GPC5: variants seen among roughly 807,000 people sequenced by gnomAD.
GPC5 encodes glypican 5.
GPC5 carries 47 observed loss-of-function variants against 53.9 expected under a neutral mutation model. The observed-to-expected ratio is 0.87, with a 90% CI of 0.69 to 1.11. The LOEUF (loss-of-function observed/expected upper bound fraction) is 1.11. Among genes scored for constraint, GPC5 ranks in the 50% most tolerant of loss-of-function variants. The probability of loss-of-function intolerance (pLI) is 0.00; values close to 1 mark genes in which losing one functional copy is unlikely to be tolerated. For missense variants in GPC5, 748 were observed against 713.1 expected, an observed-to-expected ratio of 1.05 and a Z score of -0.56; for synonymous variants, 286 against 263.3, an observed-to-expected ratio of 1.09 and a Z score of -0.84.
At chr13:92,357,543 C>T (rs896468258) in intron 7 of GPC5, among the ~76,000 whole-genome samples, 2 of 151,620 alleles carry the variant, frequency 1.3e-5, no homozygotes, top group Non-Finnish European at 1.5e-5. Flanking sequence ...GTCCTTTGCA[C>T]ATTGTATTAG....
At chr13:92,664,809 C>G (rs1307140745) in intron 7 of GPC5, among the ~76,000 whole-genome samples, 2 of 152,082 alleles carry the variant, frequency 1.3e-5, no homozygotes, top group Non-Finnish European at 2.9e-5. Flanking sequence ...TTTCATCCAG[C>G]AATGGCACCA....
intron 7 of GPC5, among the ~76,000 whole-genome samples, chr13:92,399,903 A>ACATAGCAGC (rs1256717794): frequency 6.6e-6 from 1 of 152,178 alleles, no homozygotes; most frequent in Non-Finnish European, 1.5e-5. Flanking sequence ...GGAGTATTTG[A>ACATAGCAGC]CATAGCAGCT....
intron 7 of GPC5, among the ~76,000 whole-genome samples, chr13:92,513,674 T>C (rs1438283514): frequency 3.3e-5 from 5 of 152,054 alleles, no homozygotes; most frequent in Non-Finnish European, 7.4e-5. Context: ...ATAAGAAGTG[T>C]CTCAGACTTC....
chr13:91,509,206 C>A (rs1309739016), intron 2 of GPC5, among the ~76,000 whole-genome samples: 1 of 151,644 alleles, frequency 6.6e-6, no homozygotes, highest in Non-Finnish European at 1.5e-5. Flanking sequence ...TAGTAGTGAG[C>A]ACTTCTTGAA....
At position 92,192,903 on chromosome 13, in the gene GPC5, G is replaced by A. The variant is rs115737245; in HGVS notation, c.1561+47914G>A. Among the ~76,000 whole-genome samples the A allele has an allele frequency of 5.9e-3, 903 of 152,128 alleles. 13 individuals are homozygous for A. Among genetic ancestry groups the A allele is most frequent in the African/African-American group, 0.02 (844 of 41,482 alleles). On this transcript the variant is annotated intron_variant, in intron 7 of 7. Coordinates refer to ENST00000377067, the MANE Select transcript of GPC5 (RefSeq NM_004466.6). Reference sequence around the variant, plus strand: ...TATTAAAAACATATTGCTGCCAGGCGCTGTGGCTCATGCCTATAATTCCAG... The same window carrying A: ...TATTAAAAACATATTGCTGCCAGGCACTGTGGCTCATGCCTATAATTCCAG...
At chr13:91,464,033 C>T (rs780994338) in intron 2 of GPC5, among the ~76,000 whole-genome samples, 4 of 151,840 alleles carry the variant, frequency 2.6e-5, no homozygotes. Context: ...AAAAATTCAA[C>T]AGTTAAAAAA....
chr13:92,749,868 G>C (rs915806287), intron 7 of GPC5, among the ~76,000 whole-genome samples: 2 of 152,056 alleles, frequency 1.3e-5, no homozygotes, highest in Non-Finnish European at 2.9e-5. Flanking sequence ...AACAAAATAG[G>C]GAGTTGCAAA....
chr13:91,465,152 A>G (rs1196701051), intron 2 of GPC5, among the ~76,000 whole-genome samples: 2 of 152,058 alleles, frequency 1.3e-5, no homozygotes, highest in Non-Finnish European at 2.9e-5. Flanking sequence ...TACTTTTTAA[A>G]TTGTCTATAA....
At position 91,419,798 on chromosome 13, in the gene GPC5, G is replaced by A. The variant is rs186434017; in HGVS notation, c.163+20589G>A. On this transcript the variant is annotated intron_variant, in intron 1 of 7. Transcript: ENST00000377067. ...ATCAAAACTTTTAAACATGCGAATT[G>A]ATCCTCCTGATGGCCATTACCTATG... Among the ~76,000 whole-genome samples, 34 of 152,318 alleles carry A rather than the reference G, an allele frequency of 2.2e-4. 1 individual carries two copies. In the East Asian group the frequency reaches 6.6e-3, roughly 29 times the overall value.
chr13:92,772,179 C>T (rs1026319328), intron 7 of GPC5, among the ~76,000 whole-genome samples: 13 of 152,284 alleles, frequency 8.5e-5, no homozygotes, highest in South Asian at 6.2e-4. Context: ...CCTCCCACTT[C>T]CCTGATTCCA....
At chr13:92,710,771 G>A (rs1383020132) in intron 7 of GPC5, among the ~76,000 whole-genome samples, 2 of 152,066 alleles carry the variant, frequency 1.3e-5, no homozygotes, top group African/African-American at 2.4e-5. Flanking sequence ...GTGGTCAGGG[G>A]ATCAAGCTTT....
At chr13:92,309,562 T>A (rs1338249040) in intron 7 of GPC5, among the ~76,000 whole-genome samples, 1 of 152,124 alleles carries the variant, frequency 6.6e-6, no homozygotes, top group African/African-American at 2.4e-5. Flanking sequence ...AATATAAACA[T>A]CATTTAAAAT....
chr13:92,551,274 T>G (rs2139016384), intron 7 of GPC5, among the ~76,000 whole-genome samples: 1 of 150,590 alleles, frequency 6.6e-6, no homozygotes, highest in African/African-American at 2.4e-5. Flanking sequence ...TAGACACTGG[T>G]AATCTAAAAC....
At chr13:91,768,984 T>C (rs960047909) in intron 5 of GPC5, among the ~76,000 whole-genome samples, 16 of 152,332 alleles carry the variant, frequency 1.1e-4, no homozygotes, top group South Asian at 2.1e-4. Context: ...TAGTCATTGC[T>C]GTCCAGAAAA....
chr13:92,292,909 T>G (rs2043007806), intron 7 of GPC5, among the ~76,000 whole-genome samples: 1 of 152,116 alleles, frequency 6.6e-6, no homozygotes, highest in Non-Finnish European at 1.5e-5. Context: ...CCAGCACCAT[T>G]TGTTGAAAAG....
chr13:91,435,100 G>C (rs951985583), intron 1 of GPC5, among the ~76,000 whole-genome samples: 4 of 152,042 alleles, frequency 2.6e-5, no homozygotes, highest in African/African-American at 9.7e-5. Context: ...GAGATGATGG[G>C]GTTTTCTAGA....
At chr13:91,774,190 AG>A (rs1345182671) in intron 5 of GPC5, among the ~76,000 whole-genome samples, 2 of 152,188 alleles carry the variant, frequency 1.3e-5, no homozygotes, top group African/African-American at 4.8e-5. Flanking sequence ...ACCTGTTCAG[AG>A]GATTCTTACT....
In GPC5 at chr13:91,599,532, C is replaced by T. The variant is rs959967934; in HGVS notation, c.326-93655C>T. On this transcript the variant is annotated intron_variant, in intron 2 of 7. Transcript: ENST00000377067. ...AGTCCAGTCCATAGAAACTATCTAA[C>T]ACAAATAATAATGTGCACACTTAAA... Among the ~76,000 whole-genome samples, 4 of 152,088 alleles carry T rather than the reference C, an allele frequency of 2.6e-5. 1 individual carries two copies. The highest frequency in any genetic ancestry group is 1.5e-5 in the Non-Finnish European group (1 of 67,978).
At chr13:91,873,353 T>C (rs2039168135) in intron 5 of GPC5, among the ~76,000 whole-genome samples, 1 of 152,140 alleles carries the variant, frequency 6.6e-6, no homozygotes, top group African/African-American at 2.4e-5. Flanking sequence ...TGATAGGGTG[T>C]CACTGATATG....
Sources: allele counts gnomAD v4.1 joint callset (sites outside exome capture counted in the v4.1 genomes callset), GRCh38; gene constraint gnomAD v4.1.1; transcripts MANE v1.5; gene names NCBI Gene and HGNC (gene_info 2026-07-23, HGNC 2026-07-21).